EHBP1: variants seen among roughly 807,000 people sequenced by gnomAD.
EHBP1 encodes the protein EH domain binding protein 1.
A neutral mutation model predicts 144.0 loss-of-function variants in EHBP1; 55 were observed. The observed-to-expected ratio is 0.38, with a 90% CI of 0.31 to 0.48. The LOEUF (loss-of-function observed/expected upper bound fraction) is 0.48, where lower values mean the gene tolerates loss of function less well. Among genes scored for constraint, EHBP1 ranks in the 20% least tolerant of loss-of-function variants. The pLI is 0.98. For synonymous variants in EHBP1, 469 were observed against 472.7 expected (o/e 0.99, Z 0.10); for missense variants, 1,200 against 1,364.2 (o/e 0.88, Z 1.90).
intron 2 of EHBP1, among the ~76,000 whole-genome samples, chr2:62,720,372 T>C (rs933107767): frequency 7.9e-5 from 12 of 152,172 alleles, no homozygotes; most frequent in African/African-American, 1.2e-4. Flanking sequence ...CCTTTAAATA[T>C]GTCCTTATTC....
upstream of EHBP1, among the ~76,000 whole-genome samples, chr2:62,701,199 A>G (rs929491183): frequency 3.3e-5 from 5 of 152,214 alleles, no homozygotes; most frequent in East Asian, 1.9e-4. Flanking sequence ...AGGCATATAT[A>G]TAATTTACAT....
intron 14 of EHBP1, 72 bp from the exon 15 acceptor site, chr2:62,979,116 A>G (rs1574332452): frequency 6.6e-7 from 1 of 1,504,426 alleles, no homozygotes; most frequent in East Asian, 2.3e-5. Context: ...AGTTACTATC[A>G]TGATGATCAG....
intron 5 of EHBP1, among the ~76,000 whole-genome samples, chr2:62,789,313 A>G (rs1448584899): frequency 6.6e-6 from 1 of 152,242 alleles, no homozygotes; most frequent in Non-Finnish European, 1.5e-5. Context: ...GTAAAATATT[A>G]CAAAGTTGCT....
At chr2:62,870,605 A>G (rs911724161) in intron 9 of EHBP1, among the ~76,000 whole-genome samples, 1 of 150,972 alleles carries the variant, frequency 6.6e-6, no homozygotes, top group African/African-American at 2.4e-5. Context: ...AATCCCAGCT[A>G]CTCAGGAGGC....
At chr2:62,960,030 C>G (rs1394223462) in intron 14 of EHBP1, among the ~76,000 whole-genome samples, 4 of 152,010 alleles carry the variant, frequency 2.6e-5, no homozygotes, top group African/African-American at 7.3e-5. Context: ...TGAGAATTTA[C>G]AGGGGATTCA....
chr2:62,898,034 C>G (rs1483904699), intron 10 of EHBP1, among the ~76,000 whole-genome samples: 1 of 152,008 alleles, frequency 6.6e-6, no homozygotes, highest in African/African-American at 2.4e-5. Flanking sequence ...GACCAGAATA[C>G]TAATGGAACA....
chr2:62,866,241 A>C (rs1193491215), intron 9 of EHBP1, among the ~76,000 whole-genome samples: 2 of 152,254 alleles, frequency 1.3e-5, no homozygotes, highest in African/African-American at 2.4e-5. Flanking sequence ...AAAAGAATCA[A>C]ACTTATCTCA....
At chr2:62,750,496 A>T (rs1001519323) in intron 3 of EHBP1, among the ~76,000 whole-genome samples, 1 of 152,182 alleles carries the variant, frequency 6.6e-6, no homozygotes, top group Non-Finnish European at 1.5e-5. Flanking sequence ...TGAACTTTAA[A>T]GTAGTTTTTT....
At chr2:62,805,184 T>C (rs898379293) in intron 5 of EHBP1, among the ~76,000 whole-genome samples, 2 of 152,192 alleles carry the variant, frequency 1.3e-5, no homozygotes, top group Admixed American at 6.5e-5. Context: ...TTATCACTTA[T>C]GAAAAATTGA....
chr2:62,959,199 G>C (rs2057874556), intron 14 of EHBP1, among the ~76,000 whole-genome samples: 1 of 152,160 alleles, frequency 6.6e-6, no homozygotes, highest in African/African-American at 2.4e-5. Flanking sequence ...TGTAGAATGT[G>C]ACAGGACTTT....
In EHBP1 at chr2:62,750,401, T is replaced by A. The variant is rs1038704515; in HGVS notation, c.162+2949T>A. 3.2e-4 allele frequency among the ~76,000 whole-genome samples: 48 copies of A among 152,218 alleles called. 1 individual carries two copies. The highest frequency in any genetic ancestry group is 6.5e-4 in the Non-Finnish European group (44 of 68,040). ...GGTTACTGTAGCCTTGTAGTATAGTTTGAAGTCAGGTAGCATGATGCCTCC... is the reference window on the plus strand; with the variant it reads ...GGTTACTGTAGCCTTGTAGTATAGTATGAAGTCAGGTAGCATGATGCCTCC... On this transcript the variant is annotated intron_variant, in intron 3 of 22. Transcript: ENST00000431489.
intron 5 of EHBP1, among the ~76,000 whole-genome samples, chr2:62,805,983 A>ATTT (rs34953459): frequency 2.0e-5 from 3 of 148,246 alleles, no homozygotes; most frequent in Non-Finnish European, 4.5e-5. Context: ...TATTTTCTGG[A>ATTT]TTTTTTTTTT....
intron 2 of EHBP1, among the ~76,000 whole-genome samples, chr2:62,729,353 TAATA>T (rs1264170964): frequency 7.9e-6 from 1 of 126,480 alleles, no homozygotes; most frequent in South Asian, 2.2e-4. Context: ...ATATATATAA[TAATA>T]AATATAATAT....
At chr2:62,815,785 T>C (rs193247706) in intron 5 of EHBP1, among the ~76,000 whole-genome samples, 1 of 152,344 alleles carries the variant, frequency 6.6e-6, no homozygotes, top group African/African-American at 2.4e-5. Flanking sequence ...TGAAGATTTT[T>C]CTGATGGAAT....
chr2:62,975,383 T>C (rs1283655619), intron 14 of EHBP1, among the ~76,000 whole-genome samples: 1 of 152,184 alleles, frequency 6.6e-6, no homozygotes, highest in Non-Finnish European at 1.5e-5. Flanking sequence ...ATTGAGGGAA[T>C]GGCAAGGTCA....
chr2:62,784,540 C>G (rs1274906945), intron 5 of EHBP1, among the ~76,000 whole-genome samples: 1 of 152,100 alleles, frequency 6.6e-6, no homozygotes, highest in Admixed American at 6.5e-5. Flanking sequence ...TGAAGACGTC[C>G]AGGAGTACTC....
chr2:62,929,155 CT>C, intron 10 of EHBP1, among the ~76,000 whole-genome samples: 2 of 152,258 alleles, frequency 1.3e-5, no homozygotes, highest in East Asian at 3.9e-4. Context: ...CTATCAAACA[CT>C]TAAAGAAGAA....
At chr2:62,874,307 T>C in intron 9 of EHBP1, 39 bp from the exon 10 acceptor site, 1 of 1,438,424 alleles carries the variant, frequency 7.0e-7, no homozygotes, top group Non-Finnish European at 9.4e-7. Flanking sequence ...ATGAACTATT[T>C]TTTGAGAGAC....
At position 62,826,106 on chromosome 2, in the gene EHBP1, G is replaced by A. The variant is rs760406856; in HGVS notation, c.332G>A (p.Arg111Lys). 3.3e-6 allele frequency: 5 copies of A among 1,494,542 alleles called. No individual in the cohort carries two copies. In the Admixed American group the frequency reaches 1.1e-4, roughly 33 times the overall value. The allele number at this position is 1,494,542 out of a possible 1,614,324, so 92.6% of individuals were successfully genotyped here. The change falls in exon 6 of 23, where the codon AGG (arginine) becomes AAG (lysine). Residue 111 changes from arginine (R) to lysine (K), a missense_variant. Physicochemically the swap from Arg to Lys is conservative, Grantham distance 26. This residue lies in a region of EHBP1 where 137 missense variants were observed against 190.1 expected (regional missense o/e 0.72). Coordinates refer to ENST00000431489, the MANE Select transcript of EHBP1 (RefSeq NM_001142616.3). ...VIENESPSGRRKALATSSINM... is the reference protein window; with the variant it reads ...VIENESPSGRKKALATSSINM... ...TTCCAGGAATCCCCTTCTGGTCGAAGGAAAGCTCTTGCTACTAGCAGCATC... is the reference window on the plus strand; with the variant it reads ...TTCCAGGAATCCCCTTCTGGTCGAAAGAAAGCTCTTGCTACTAGCAGCATC...
Sources: allele counts gnomAD v4.1 joint callset (sites outside exome capture counted in the v4.1 genomes callset), GRCh38; gene constraint gnomAD v4.1.1; regional missense constraint gnomAD v4.1.1; transcripts MANE v1.5; gene names NCBI Gene and HGNC (gene_info 2026-07-23, HGNC 2026-07-21).